TDG: variants seen among roughly 807,000 people sequenced by gnomAD.
TDG encodes the protein thymine DNA glycosylase.
In TDG, 23 loss-of-function variants were observed where a neutral mutation model predicts 46.1. The observed-to-expected ratio is 0.50, with a 90% CI of 0.36 to 0.71. TDG has a LOEUF of 0.71. Among genes scored for constraint, TDG ranks in the 30% least tolerant of loss-of-function variants. The probability of loss-of-function intolerance (pLI) is 0.00; values close to 1 mark genes in which losing one functional copy is unlikely to be tolerated. For missense variants in TDG, 304 were observed against 486.7 expected (o/e 0.62, Z 3.53); for synonymous variants, 115 against 161.3 (o/e 0.71, Z 2.18).
intron 1 of TDG, among the ~76,000 whole-genome samples, chr12:103,973,428 T>C (rs773832187): frequency 1.5e-4 from 23 of 152,160 alleles, no homozygotes; most frequent in Admixed American, 3.3e-4. Flanking sequence ...TGTCACCATA[T>C]GCCTTTGTTT....
At chr12:103,985,445 GTTTA>G (rs1872095715) in intron 8 of TDG, among the ~76,000 whole-genome samples, 154 bp from the exon 9 acceptor site, 2 of 152,040 alleles carry the variant, frequency 1.3e-5, no homozygotes, top group South Asian at 4.2e-4. Flanking sequence ...GTTCTTATGT[GTTTA>G]TTTAGTACAT....
At chr12:103,982,687 C>T (rs1871902691) in intron 4 of TDG, 112 bp from the exon 5 acceptor site, 2 of 1,060,490 alleles carry the variant, frequency 1.9e-6, no homozygotes, top group South Asian at 1.7e-5. Context: ...ATTGCTTGAG[C>T]CTCGGTGGTC....
intron 1 of TDG, among the ~76,000 whole-genome samples, chr12:103,970,373 G>GA (rs1871237445): frequency 6.6e-6 from 1 of 152,166 alleles, no homozygotes; most frequent in African/African-American, 2.4e-5. Flanking sequence ...AGCTGCTCAG[G>GA]AGACTGAGGT....
At chr12:103,970,618 G>T (rs866513969) in intron 1 of TDG, among the ~76,000 whole-genome samples, 2 of 152,072 alleles carry the variant, frequency 1.3e-5, no homozygotes, top group Non-Finnish European at 2.9e-5. Context: ...ATGGTGGTGT[G>T]TGCCTGTAGT....
chr12:103,982,285 C>A (rs1871878002), intron 4 of TDG, among the ~76,000 whole-genome samples: 1 of 152,150 alleles, frequency 6.6e-6, no homozygotes, highest in Non-Finnish European at 1.5e-5. Context: ...TTTTGACTTT[C>A]TTCACTGTCA....
chr12:103,976,789 C>G (rs2094603284), intron 1 of TDG, 129 bp from the exon 2 acceptor site: 1 of 1,152,170 alleles, frequency 8.7e-7, no homozygotes. Context: ...CTGTAATCCA[C>G]TCTAAATAAA....
chr12:103,979,731 G>A lies in TDG; in HGVS notation c.167-100G>A, dbSNP rs939335938. Reference sequence around the variant, plus strand: ...GACTGTAAGAGCTTAATTTTGGGGAGACAGGTACAAAAGGTGCTAGTTGGG... The same window carrying A: ...GACTGTAAGAGCTTAATTTTGGGGAAACAGGTACAAAAGGTGCTAGTTGGG... On this transcript the variant is annotated intron_variant, in intron 2 of 9. Coordinates refer to ENST00000392872, the MANE Select transcript of TDG (RefSeq NM_003211.6). The A allele has an allele frequency of 3.3e-5, 47 of 1,408,836 alleles. No individual in the cohort carries two copies. In the Admixed American group the frequency reaches 3.5e-4, roughly 10 times the overall value. The allele number at this position is 1,408,836 out of a possible 1,614,324, so 87.3% of individuals were successfully genotyped here.
chr12:103,972,653 T>C (rs146858277), intron 1 of TDG, among the ~76,000 whole-genome samples: 31 of 152,340 alleles, frequency 2.0e-4, no homozygotes, highest in African/African-American at 7.0e-4. Context: ...CTAATTTAAC[T>C]TTTTGTAAAA....
Position 103,984,883 on chromosome 12 carries a change from A to G in TDG, c.927A>G (p.Gln309=), listed in dbSNP as rs2136243093. Residue 309 remains glutamine (Q), a synonymous_variant, in exon 8 of 10, where the codon CAA becomes CAG. Transcript: ENST00000392872. ...GCATTGAACGAAATATGGACGTTCA[A>G]GAGGTGCAATATACATTTGACCTAC... ...LKGIERNMDV[Q]EVQYTFDLQL... is the part of the protein sequence containing the mutation. 1 of 1,613,402 alleles carries G rather than the reference A, an allele frequency of 6.2e-7. No homozygotes were observed. The highest frequency in any genetic ancestry group is 2.2e-5 in the East Asian group (1 of 44,882).
chr12:103,985,160 GAC>G (rs1333247597), intron 8 of TDG, among the ~76,000 whole-genome samples: 1 of 51,632 alleles, frequency 1.9e-5, no homozygotes, highest in African/African-American at 5.8e-5. Flanking sequence ...TCTATATATA[GAC>G]ACATACACAC....
At position 103,988,412 on chromosome 12, in the gene TDG, G is replaced by A. The variant is rs1872301495; in HGVS notation, c.*1322G>A. 1 of 152,730 alleles carries A rather than the reference G, an allele frequency of 6.5e-6. No homozygotes were observed. Among genetic ancestry groups the A allele is most frequent in the African/African-American group, 2.4e-5 (1 of 41,486 alleles). 9.5% of individuals were successfully genotyped at this position (152,730 alleles called of 1,614,324 possible). A position where few individuals can be genotyped will look rare whatever the true frequency, so the allele number is the denominator to read the frequency against. On this transcript the variant is annotated 3_prime_UTR_variant, in exon 10 of 10. Coordinates refer to ENST00000392872, the MANE Select transcript of TDG (RefSeq NM_003211.6). ...TAACATGCTTTTTAGCTGTGGCTAT[G>A]ATGGATTTTATTTTTTCCTAGGTCA... is the stretch of plus-strand genomic sequence containing the variant.
At chr12:103,967,376 C>G (rs906258610) in intron 1 of TDG, among the ~76,000 whole-genome samples, 2 of 151,952 alleles carry the variant, frequency 1.3e-5, no homozygotes, top group Non-Finnish European at 2.9e-5. Flanking sequence ...CCCAGGTAAT[C>G]CTTAAGAGAG....
rs777349887 is a variant in TDG, at chr12:103,985,773, T to G, written c.1090+45T>G. ...TGTATTCCTTTCAAAGACGGTTTGG[T>G]CAGGATTGGGGGGAAAATTTTAATA... On this transcript the variant is annotated intron_variant, in intron 9 of 9. Coordinates refer to ENST00000392872, the MANE Select transcript of TDG (RefSeq NM_003211.6). 113 of 1,473,120 alleles carry G rather than the reference T, an allele frequency of 7.7e-5. 2 individuals carry two copies. In the South Asian group the frequency reaches 1.7e-3, roughly 22 times the overall value. 91.3% of individuals were successfully genotyped at this position (1,473,120 alleles called of 1,614,324 possible).
intron 1 of TDG, chr12:103,972,908 A>G: frequency 3.1e-6 from 2 of 639,490 alleles, no homozygotes; most frequent in South Asian, 3.6e-5. Context: ...TTTTTAAAGT[A>G]AAGAATCCTG....
intron 2 of TDG, 84 bp from the exon 3 acceptor site, chr12:103,979,747 G>T: frequency 6.7e-7 from 1 of 1,487,988 alleles, no homozygotes. Flanking sequence ...TACAAAAGGT[G>T]CTAGTTGGGT....
chr12:103,980,792 G>A (rs1871783917), intron 3 of TDG, 101 bp from the exon 4 acceptor site: 1 of 934,412 alleles, frequency 1.1e-6, no homozygotes, highest in Non-Finnish European at 1.7e-6. Context: ...AATTAAATTT[G>A]TATTTTAATC....
intron 1 of TDG, 34 bp downstream of exon 1, chr12:103,966,094 G>T: frequency 6.5e-7 from 1 of 1,538,182 alleles, no homozygotes; most frequent in South Asian, 1.2e-5. Flanking sequence ...CCTCCCTTGC[G>T]CCCCTCACTG....
intron 5 of TDG, 77 bp downstream of exon 5, chr12:103,983,011 T>A: frequency 6.3e-7 from 1 of 1,593,138 alleles, no homozygotes; most frequent in Non-Finnish European, 8.5e-7. Flanking sequence ...GAACATCATA[T>A]GTATCTAGTT....
intron 1 of TDG, among the ~76,000 whole-genome samples, chr12:103,973,821 C>T (rs1405673137): frequency 2.0e-5 from 3 of 152,246 alleles, no homozygotes; most frequent in Admixed American, 6.5e-5. Flanking sequence ...TATATATAAA[C>T]TCTTTCCTGT....
Sources: gnomAD v4.1 joint callset for allele counts (sites outside exome capture counted in the v4.1 genomes callset) on GRCh38, gnomAD v4.1.1 for gene constraint, MANE v1.5 for transcripts, NCBI Gene and HGNC (gene_info 2026-07-23, HGNC 2026-07-21) for gene names.